Variants in JPH2 observed in about 807,000 individuals in gnomAD.
JPH2 encodes junctophilin 2.
A neutral mutation model predicts 55.9 loss-of-function variants in JPH2; 38 were observed. The observed-to-expected ratio is 0.68, with a 90% CI of 0.52 to 0.89. The LOEUF is 0.89. Ranked by LOEUF, JPH2 falls within the 40% of genes least tolerant of loss-of-function variation. The pLI is 0.00. For synonymous variants in JPH2, 480 were observed against 472.4 expected, an observed-to-expected ratio of 1.02 and a Z score of -0.21; for missense variants, 964 against 1,037.6, an observed-to-expected ratio of 0.93 and a Z score of 0.97.
intron 2 of JPH2, among the ~76,000 whole-genome samples, chr20:44,154,201 A>G (rs965977737): frequency 2.6e-5 from 4 of 152,212 alleles, no homozygotes; most frequent in Non-Finnish European, 5.9e-5. Flanking sequence ...AATAAATATA[A>G]CATGTATCAC....
intron 1 of JPH2, among the ~76,000 whole-genome samples, chr20:44,182,706 C>A (rs74651752): frequency 0.016 from 2,382 of 152,242 alleles, 74 homozygotes; most frequent in African/African-American, 0.055. Flanking sequence ...CTTCCTCTTC[C>A]GCCTCTGTTA....
intron 1 of JPH2, among the ~76,000 whole-genome samples, chr20:44,165,302 A>AC (rs368007559): frequency 7.2e-6 from 1 of 138,892 alleles, no homozygotes; most frequent in Non-Finnish European, 1.5e-5. Flanking sequence ...AAAAAAAAAA[A>AC]CAAAAAAAAC....
intron 2 of JPH2, among the ~76,000 whole-genome samples, chr20:44,152,541 T>C (rs1403104325): frequency 6.6e-6 from 1 of 152,128 alleles, no homozygotes; most frequent in African/African-American, 2.4e-5. Flanking sequence ...AGTTAATACA[T>C]GTAAGGTACT....
At chr20:44,154,213 T>G (rs1158917306) in intron 2 of JPH2, among the ~76,000 whole-genome samples, 1 of 152,220 alleles carries the variant, frequency 6.6e-6, no homozygotes, top group Non-Finnish European at 1.5e-5. Context: ...ATGTATCACA[T>G]TGTAATGTTA....
chr20:44,134,708 T>A (rs1372903604), intron 2 of JPH2, among the ~76,000 whole-genome samples: 4,702 of 48,144 alleles, frequency 0.098, 804 homozygotes, highest in Admixed American at 0.15. Context: ...TACATTAATA[T>A]ATATTATAAA....
intron 1 of JPH2, among the ~76,000 whole-genome samples, chr20:44,168,294 C>T (rs924720862): frequency 1.3e-5 from 2 of 151,952 alleles, no homozygotes. Context: ...TTTGAATATT[C>T]CAGAATTTTT....
rs2072849869 is a variant in JPH2 at position 44,186,764 on chromosome 20, G to A, written c.-59C>T. 1 of 1,540,724 alleles carries A rather than the reference G, an allele frequency of 6.5e-7. No individual in the cohort carries two copies. Among genetic ancestry groups the A allele is most frequent in the East Asian group, 2.2e-5 (1 of 44,566 alleles). ...CAGCGTGGGTGCAGAGGGCGTGGGT[G>A]ATGCCTGCAACACTCCTCCAGTGCC... On this transcript the variant is annotated 5_prime_UTR_variant, in exon 1 of 6. Coordinates refer to ENST00000372980, the MANE Select transcript of JPH2 (RefSeq NM_020433.5).
intron 2 of JPH2, among the ~76,000 whole-genome samples, chr20:44,130,048 G>A (rs2072306524): frequency 6.9e-6 from 1 of 144,170 alleles, no homozygotes; most frequent in Admixed American, 7.3e-5. Context: ...CGAGTTTGTA[G>A]TAATTTGTTA....
intron 1 of JPH2, among the ~76,000 whole-genome samples, chr20:44,168,685 C>T (rs182759227): frequency 7.4e-4 from 113 of 152,342 alleles, no homozygotes; most frequent in Non-Finnish European, 1.2e-3. Context: ...GTGCTTTCAC[C>T]TCTAAGAATA....
chr20:44,132,279 T>C (rs924279344), intron 2 of JPH2, among the ~76,000 whole-genome samples: 1 of 151,468 alleles, frequency 6.6e-6, no homozygotes, highest in Non-Finnish European at 1.5e-5. Flanking sequence ...ATAGAGAATA[T>C]TTATGGAAAG....
intron 2 of JPH2, among the ~76,000 whole-genome samples, chr20:44,119,936 A>G (rs2072223135): frequency 6.6e-6 from 1 of 151,250 alleles, no homozygotes; most frequent in Non-Finnish European, 1.5e-5. Flanking sequence ...GCCCATACCA[A>G]TGACTGGTAC....
rs1458411742 is a variant in JPH2 at position 44,159,706 on chromosome 20, T to C, written c.1081A>G (p.Lys361Glu). Residue 361 changes from lysine to glutamate, a missense_variant, in exon 2 of 6, where the codon AAG (lysine) becomes GAG (glutamate). Transcript: ENST00000372980. This position sits in a 1 kb window ranked among gnomAD's most constrained non-coding sequence, Gnocchi z 5.7. ...CTGTGCTCCACTTTCTGGCGGACCT[T>C]GTTGCTCTTGAGCTGCAGCATGCGG... ...KRRMLQLKSNKVRQKVEHSVE... is the reference protein window; with the variant it reads ...KRRMLQLKSNEVRQKVEHSVE... 1.9e-6 allele frequency: 3 copies of C among 1,613,194 alleles called. No individual in the cohort carries two copies. Among genetic ancestry groups the C allele is most frequent in the African/African-American group, 2.7e-5 (2 of 74,914 alleles).
chr20:44,133,061 C>A (rs371041872), intron 2 of JPH2, among the ~76,000 whole-genome samples: 1 of 33,096 alleles, frequency 3.0e-5, no homozygotes, highest in South Asian at 7.7e-4. Context: ...TCACCCACCC[C>A]CACCGTCCCC....
rs1175261037 is a variant in JPH2 at position 44,115,714 on chromosome 20, G to A, written c.1961C>T (p.Ala654Val). The change falls in exon 4 of 6, where the codon GCG (alanine) becomes GTG (valine). Residue 654 changes from alanine to valine, a missense_variant. By Grantham distance (64) the Ala-to-Val change is moderately conservative (BLOSUM62 0). Transcript: ENST00000372980. ...TGCCGCCAGTGCGGCCTCCTTCCGC[G>A]CCTTCTTCTTGGCCCCCGCCTTGGT... ...GLTKAGAKKK[A>V]RKEAALAAEA... 1 of 1,613,436 alleles carries A rather than the reference G, an allele frequency of 6.2e-7. No individual in the cohort carries two copies. The highest frequency in any genetic ancestry group is 8.5e-7 in the Non-Finnish European group (1 of 1,179,994).
Position 44,108,530 on chromosome 20 carries a change from G to A in JPH2, c.*4988C>T, listed in dbSNP as rs1337689491. ...TTGCTGACTTTACAGCCTCAAGATT[G>A]CTGACTTTACAGCCTCAAGATGTAA... On this transcript the variant is annotated 3_prime_UTR_variant, in exon 6 of 6. Transcript: ENST00000372980. Among the ~76,000 whole-genome samples the A allele has an allele frequency of 2.6e-5, 4 of 151,398 alleles. No individual in the cohort carries two copies. The highest frequency in any genetic ancestry group is 5.9e-5 in the Non-Finnish European group (4 of 67,944).
Position 44,111,080 on chromosome 20 carries a change from G to A in JPH2, c.*2438C>T, listed in dbSNP as rs1480904531. On this transcript the variant is annotated 3_prime_UTR_variant, in exon 6 of 6. Coordinates refer to ENST00000372980, the MANE Select transcript of JPH2 (RefSeq NM_020433.5). ...TTCCTGCCACCAACTTGCTGTGTGCGTGACCTTGGGCAAGTCCCTCTGCTC... is the reference window on the plus strand; with the variant it reads ...TTCCTGCCACCAACTTGCTGTGTGCATGACCTTGGGCAAGTCCCTCTGCTC... Among the ~76,000 whole-genome samples the A allele has an allele frequency of 2.0e-5, 3 of 152,050 alleles. No individual in the cohort carries two copies. Among genetic ancestry groups the A allele is most frequent in the African/African-American group, 4.8e-5 (2 of 41,446 alleles).
At chr20:44,135,473 C>T (rs2072404136) in intron 2 of JPH2, among the ~76,000 whole-genome samples, 1 of 152,146 alleles carries the variant, frequency 6.6e-6, no homozygotes, top group African/African-American at 2.4e-5. Flanking sequence ...ATCTGGTGAA[C>T]TCCTACTCAT....
In JPH2 at chr20:44,126,168, G is replaced by GAGGA. The variant is rs774393666; in HGVS notation, c.1170-7549_1170-7546dup. ...GGAGGGAGGGAGGGAGGGAGGGAGG[G>GAGGA]AGGAAGGAAGGAAGGAAGGAAGGGA... On this transcript the variant is annotated intron_variant, in intron 2 of 5. Coordinates refer to ENST00000372980, the MANE Select transcript of JPH2 (RefSeq NM_020433.5). Among the ~76,000 whole-genome samples, 18 of 36,332 alleles carry GAGGA rather than the reference G, an allele frequency of 5.0e-4. No individual in the cohort carries two copies. The East Asian group carries it at 5.5e-3, about 11-fold the overall frequency. 23.8% of individuals were successfully genotyped at this position (36,332 alleles called of 152,430 possible).
At chr20:44,156,342 T>A (rs1013331920) in intron 2 of JPH2, among the ~76,000 whole-genome samples, 1 of 152,198 alleles carries the variant, frequency 6.6e-6, no homozygotes, top group Admixed American at 6.5e-5. Context: ...TTTCTGTAAA[T>A]CTAAAATTAT....
Sources: gnomAD v4.1 joint callset for allele counts (sites outside exome capture counted in the v4.1 genomes callset) on GRCh38, gnomAD v4.1.1 for gene constraint, Gnocchi (gnomAD v3.1) non-coding constraint, MANE v1.5 for transcripts, NCBI Gene and HGNC (gene_info 2026-07-23, HGNC 2026-07-21) for gene names.